Variants in UNC5D observed in about 807,000 individuals in gnomAD.
UNC5D encodes the protein unc-5 netrin receptor D.
A neutral mutation model predicts 105.4 loss-of-function variants in UNC5D; 39 were observed. The observed-to-expected ratio is 0.37, with a 90% CI of 0.29 to 0.48. The LOEUF (loss-of-function observed/expected upper bound fraction) is 0.48. Among genes scored for constraint, UNC5D ranks in the 20% least tolerant of loss-of-function variants. UNC5D has a pLI of 0.98. For missense variants in UNC5D, 991 were observed against 1,202.4 expected, an observed-to-expected ratio of 0.82 and a Z score of 2.60; for synonymous variants, 452 against 450.4, an observed-to-expected ratio of 1.00 and a Z score of -0.04.
At chr8:35,265,747 G>A (rs936998241) in intron 1 of UNC5D, among the ~76,000 whole-genome samples, 1 of 151,952 alleles carries the variant, frequency 6.6e-6, no homozygotes, top group African/African-American at 2.4e-5. Context: ...GCAGGCGCCT[G>A]TAGTCCCAGC....
At chr8:35,408,774 A>T (rs940422844) in intron 1 of UNC5D, among the ~76,000 whole-genome samples, 1 of 151,970 alleles carries the variant, frequency 6.6e-6, no homozygotes, top group Admixed American at 6.6e-5. Flanking sequence ...AGAAAAAAAA[A>T]ACTACTACCA....
At chr8:35,491,630 G>C (rs1455086239) in intron 1 of UNC5D, among the ~76,000 whole-genome samples, 1 of 152,120 alleles carries the variant, frequency 6.6e-6, no homozygotes, top group South Asian at 2.1e-4. Flanking sequence ...GTGTGTGTGT[G>C]TGTAGGGATC....
chr8:35,644,870 A>ACAAG (rs1822952972), intron 4 of UNC5D, among the ~76,000 whole-genome samples: 1 of 152,198 alleles, frequency 6.6e-6, no homozygotes, highest in African/African-American at 2.4e-5. Flanking sequence ...ACATAGACAC[A>ACAAG]TATCAAAAAG....
chr8:35,771,439 C>T (rs1489816557), intron 15 of UNC5D, among the ~76,000 whole-genome samples: 2 of 152,178 alleles, frequency 1.3e-5, no homozygotes, highest in Admixed American at 6.5e-5. Context: ...AATTCTGCTT[C>T]TAGTTTCTAT....
At position 35,535,248 on chromosome 8, in the gene UNC5D, G is replaced by T. The variant is rs1391342982; in HGVS notation, c.104-14044G>T. Among the ~76,000 whole-genome samples the T allele has an allele frequency of 3.3e-5, 5 of 151,996 alleles. No individual in the cohort carries two copies. The East Asian group carries it at 7.7e-4, about 23-fold the overall frequency. On this transcript the variant is annotated intron_variant, in intron 1 of 16. Coordinates refer to ENST00000404895, the MANE Select transcript of UNC5D (RefSeq NM_080872.4). ...CCTATTCATTTGTACATGGAGGAAG[G>T]GTGCTGAGATAACTAAATAATTAAA...
intron 16 of UNC5D, among the ~76,000 whole-genome samples, chr8:35,778,917 T>G (rs1161634335): frequency 2.0e-5 from 3 of 152,212 alleles, no homozygotes; most frequent in Admixed American, 6.5e-5. Flanking sequence ...TCGATGAGAA[T>G]GCGAGAAATG....
intron 1 of UNC5D, among the ~76,000 whole-genome samples, chr8:35,312,177 A>G (rs1162223741): frequency 6.6e-6 from 1 of 152,180 alleles, no homozygotes; most frequent in Non-Finnish European, 1.5e-5. Flanking sequence ...CCTCCTTGTC[A>G]TCACCCGGCT....
Position 35,794,220 on chromosome 8 carries a change from T to G in UNC5D, c.*3657T>G, listed in dbSNP as rs1803168589. The G allele has an allele frequency of 1.3e-5, 2 of 152,210 alleles. No homozygotes were observed. The highest frequency in any genetic ancestry group is 4.1e-4 in the South Asian group (2 of 4,830). The allele number at this position is 152,210 out of a possible 1,614,324, so 9.4% of individuals were successfully genotyped here. ...AATTTCTTAGTCCCTCTGCCCTCTGTAAATGTGTTGAGTGATATAGCTATC... is the reference window on the plus strand; with the variant it reads ...AATTTCTTAGTCCCTCTGCCCTCTGGAAATGTGTTGAGTGATATAGCTATC... On this transcript the variant is annotated 3_prime_UTR_variant, in exon 17 of 17. Transcript: ENST00000404895.
intron 1 of UNC5D, among the ~76,000 whole-genome samples, chr8:35,277,367 T>G (rs1462595539): frequency 6.6e-6 from 1 of 152,232 alleles, no homozygotes; most frequent in African/African-American, 2.4e-5. Context: ...TTGTGCATTT[T>G]TGGAGCATTT....
intron 4 of UNC5D, among the ~76,000 whole-genome samples, chr8:35,679,545 G>A (rs182536281): frequency 9.2e-5 from 14 of 152,268 alleles, no homozygotes; most frequent in South Asian, 2.1e-4. Flanking sequence ...AGGCTCTGAG[G>A]TGGCTAACTC....
At chr8:35,677,950 G>GTATATA (rs371264695) in intron 4 of UNC5D, among the ~76,000 whole-genome samples, 1 of 150,890 alleles carries the variant, frequency 6.6e-6, no homozygotes, top group Non-Finnish European at 1.5e-5. Context: ...GTGTGTATGT[G>GTATATA]TATATATATA....
At chr8:35,456,641 C>T (rs1045435036) in intron 1 of UNC5D, among the ~76,000 whole-genome samples, 10 of 152,260 alleles carry the variant, frequency 6.6e-5, no homozygotes, top group Admixed American at 1.3e-4. Flanking sequence ...AAAGTACAAA[C>T]GTATTAGGTG....
At chr8:35,618,479 T>G (rs1338753228) in intron 4 of UNC5D, among the ~76,000 whole-genome samples, 1 of 152,184 alleles carries the variant, frequency 6.6e-6, no homozygotes, top group Non-Finnish European at 1.5e-5. Context: ...AGAAAAGACT[T>G]CAAAGTAGAG....
chr8:35,415,685 A>C (rs1363491683), intron 1 of UNC5D, among the ~76,000 whole-genome samples: 2 of 152,066 alleles, frequency 1.3e-5, no homozygotes, highest in African/African-American at 2.4e-5. Context: ...AGCTGTTCCC[A>C]CTACTTTCCT....
chr8:35,755,178 A>G (rs1462974457), intron 13 of UNC5D, among the ~76,000 whole-genome samples: 1 of 152,186 alleles, frequency 6.6e-6, no homozygotes, highest in Non-Finnish European at 1.5e-5. Context: ...ACACACATGC[A>G]TGCACAGCCC....
chr8:35,464,849 A>T (rs1005515094), intron 1 of UNC5D, among the ~76,000 whole-genome samples: 11 of 152,194 alleles, frequency 7.2e-5, no homozygotes, highest in Non-Finnish European at 1.6e-4. Flanking sequence ...TTGAAATATG[A>T]GTGATTTTGA....
At chr8:35,675,824 A>G (rs1244613537) in intron 4 of UNC5D, among the ~76,000 whole-genome samples, 1 of 151,930 alleles carries the variant, frequency 6.6e-6, no homozygotes, top group Non-Finnish European at 1.5e-5. Context: ...ATTCTTTTAT[A>G]GAACATTAAG....
chr8:35,413,082 G>A (rs993378761), intron 1 of UNC5D, among the ~76,000 whole-genome samples: 3 of 152,078 alleles, frequency 2.0e-5, no homozygotes, highest in African/African-American at 7.2e-5. Flanking sequence ...GTGGATTAAT[G>A]CTAGGAGCTG....
intron 16 of UNC5D, among the ~76,000 whole-genome samples, chr8:35,779,489 TTCTC>T (rs1189679683): frequency 3.3e-5 from 5 of 152,284 alleles, no homozygotes; most frequent in African/African-American, 1.2e-4. Context: ...GATGGAGTCT[TTCTC>T]TGTTGCCCAC....
Sources: gnomAD v4.1 joint callset for allele counts (sites outside exome capture counted in the v4.1 genomes callset) on GRCh38, gnomAD v4.1.1 for gene constraint, MANE v1.5 for transcripts, NCBI Gene and HGNC (gene_info 2026-07-23, HGNC 2026-07-21) for gene names.